RIMS2: variants seen among roughly 807,000 people sequenced by gnomAD.
RIMS2 encodes the protein regulating synaptic membrane exocytosis 2.
In RIMS2, 59 loss-of-function variants were observed where a neutral mutation model predicts 174.4. The observed-to-expected ratio is 0.34, with a 90% CI of 0.27 to 0.42. RIMS2 has a LOEUF of 0.42. Ranked by LOEUF, RIMS2 falls within the 10% of genes least tolerant of loss-of-function variation. The probability of loss-of-function intolerance (pLI) is 1.00; values close to 1 mark genes in which losing one functional copy is unlikely to be tolerated. For synonymous variants in RIMS2, 606 were observed against 572.5 expected, an observed-to-expected ratio of 1.06 and a Z score of -0.84; for missense variants, 1,620 against 1,666.3, an observed-to-expected ratio of 0.97 and a Z score of 0.48.
chr8:103,873,629 C>T (rs145705050), intron 3 of RIMS2, among the ~76,000 whole-genome samples: 1 of 152,082 alleles, frequency 6.6e-6, no homozygotes, highest in African/African-American at 2.4e-5. Flanking sequence ...ATAGAACAAG[C>T]CCAACATCAG....
chr8:103,554,649 A>G (rs1849602424), intron 1 of RIMS2, among the ~76,000 whole-genome samples: 1 of 152,228 alleles, frequency 6.6e-6, no homozygotes, highest in African/African-American at 2.4e-5. Flanking sequence ...AACTTAAAAC[A>G]GAAGTATAAT....
At chr8:103,876,887 TATATATA>T (rs2099142162) in intron 3 of RIMS2, among the ~76,000 whole-genome samples, 1 of 51,566 alleles carries the variant, frequency 1.9e-5, no homozygotes, top group African/African-American at 5.8e-5. Context: ...TATATATATA[TATATATA>T]TATATATATA....
chr8:104,153,372 T>G (rs2134193811), intron 19 of RIMS2, among the ~76,000 whole-genome samples: 1 of 152,300 alleles, frequency 6.6e-6, no homozygotes, highest in East Asian at 1.9e-4. Flanking sequence ...TCTATCTGAC[T>G]GATGGAATTG....
intron 1 of RIMS2, among the ~76,000 whole-genome samples, chr8:103,569,953 A>G (rs1238674774): frequency 6.6e-6 from 1 of 151,992 alleles, no homozygotes; most frequent in South Asian, 2.1e-4. Flanking sequence ...TAAACATGCA[A>G]TTGTTTTCAT....
intron 1 of RIMS2, among the ~76,000 whole-genome samples, chr8:103,694,518 T>C (rs2097073809): frequency 1.3e-5 from 2 of 152,080 alleles, no homozygotes; most frequent in Admixed American, 1.3e-4. Context: ...CCAGGATGGC[T>C]GGGGCTATCC....
chr8:103,783,540 G>A (rs1436306437), intron 3 of RIMS2, among the ~76,000 whole-genome samples: 1 of 151,274 alleles, frequency 6.6e-6, no homozygotes, highest in Non-Finnish European at 1.5e-5. Flanking sequence ...TTGTTCTTGC[G>A]ATAGTTTACT....
chr8:103,683,363 A>G (rs2096902542), intron 1 of RIMS2, among the ~76,000 whole-genome samples: 1 of 152,096 alleles, frequency 6.6e-6, no homozygotes, highest in Non-Finnish European at 1.5e-5. Context: ...TCTTTTGACA[A>G]CTCACTCTTG....
At chr8:103,926,146 A>T in intron 10 of RIMS2, among the ~76,000 whole-genome samples, 1 of 151,542 alleles carries the variant, frequency 6.6e-6, no homozygotes. Flanking sequence ...ATTTTATGAC[A>T]TAATATTTAC....
intron 19 of RIMS2, among the ~76,000 whole-genome samples, chr8:104,210,473 T>A (rs2099100406): frequency 6.6e-6 from 1 of 152,212 alleles, no homozygotes; most frequent in South Asian, 2.1e-4. Flanking sequence ...GCCCTATACT[T>A]TGAGTCAGAG....
At chr8:103,581,460 A>C (rs1280810911) in intron 1 of RIMS2, among the ~76,000 whole-genome samples, 3 of 152,222 alleles carry the variant, frequency 2.0e-5, no homozygotes, top group Non-Finnish European at 4.4e-5. Flanking sequence ...CACTGAATGT[A>C]GAAGGAACAT....
At chr8:103,893,218 A>AT (rs1343791759) in intron 4 of RIMS2, among the ~76,000 whole-genome samples, 2 of 152,034 alleles carry the variant, frequency 1.3e-5, no homozygotes, top group African/African-American at 2.4e-5. Flanking sequence ...ATAAGATAGC[A>AT]TTTTTTCTTG....
intron 1 of RIMS2, among the ~76,000 whole-genome samples, chr8:103,691,380 T>C (rs2097022828): frequency 6.6e-6 from 1 of 152,188 alleles, no homozygotes; most frequent in Admixed American, 6.5e-5. Flanking sequence ...TCTTGTTCTT[T>C]TTTTCCTCTT....
intron 1 of RIMS2, among the ~76,000 whole-genome samples, chr8:103,562,518 G>T (rs1050564901): frequency 6.6e-6 from 1 of 152,186 alleles, no homozygotes; most frequent in Non-Finnish European, 1.5e-5. Context: ...CCATGGTCTT[G>T]GGCAGCTCCA....
At chr8:103,612,420 C>G (rs973534525) in intron 1 of RIMS2, among the ~76,000 whole-genome samples, 8 of 152,152 alleles carry the variant, frequency 5.3e-5, no homozygotes, top group African/African-American at 1.9e-4. Context: ...TTGTTTCTAC[C>G]TGTCTTTCTT....
chr8:103,815,059 T>C (rs1162112712), intron 3 of RIMS2, among the ~76,000 whole-genome samples: 1 of 152,210 alleles, frequency 6.6e-6, no homozygotes, highest in Non-Finnish European at 1.5e-5. Flanking sequence ...TGAGCTTTAC[T>C]TGTGGCTAGT....
At chr8:104,120,436 A>G (rs2098356050) in intron 19 of RIMS2, among the ~76,000 whole-genome samples, 1 of 152,106 alleles carries the variant, frequency 6.6e-6, no homozygotes. Flanking sequence ...TCACCGTTGA[A>G]TAGTTTTCAG....
rs368666512 is a variant in RIMS2 at position 103,852,434 on chromosome 8, T to C, written c.699-32864T>C. Among the ~76,000 whole-genome samples, 396 of 151,960 alleles carry C rather than the reference T, an allele frequency of 2.6e-3. 2 individuals carry two copies. The highest frequency in any genetic ancestry group is 9.0e-3 in the African/African-American group (372 of 41,474). ...ATTTTCTTTTTTTTTTTTTACTTTT[T>C]TTAAGATACAAGATGTACATGGGCA... On this transcript the variant is annotated intron_variant, in intron 3 of 23. Coordinates refer to ENST00000504942, the Ensembl canonical transcript of RIMS2.
chr8:103,524,339 C>A (rs1832999058), intron 1 of RIMS2, among the ~76,000 whole-genome samples: 1 of 151,904 alleles, frequency 6.6e-6, no homozygotes, highest in South Asian at 2.1e-4. Context: ...TGGGATAGTG[C>A]TGATACATTT....
chr8:103,733,357 G>C (rs1051765948), intron 2 of RIMS2, among the ~76,000 whole-genome samples: 12 of 152,194 alleles, frequency 7.9e-5, no homozygotes, highest in African/African-American at 2.9e-4. Flanking sequence ...TCTCCCAGTA[G>C]TGTGAGCTTC....
Sources: gnomAD v4.1 joint callset for allele counts (sites outside exome capture counted in the v4.1 genomes callset) on GRCh38, gnomAD v4.1.1 for gene constraint, MANE v1.5 for transcripts, NCBI Gene and HGNC (gene_info 2026-07-23, HGNC 2026-07-21) for gene names.